TBC1D2: variants seen among roughly 807,000 people sequenced by gnomAD.
TBC1D2 encodes TBC1 domain family member 2, also known as TBC1 domain family member 2A.
TBC1D2 carries 58 observed loss-of-function variants against 91.1 expected under a neutral mutation model. The ratio of observed to expected loss-of-function variants is 0.64; its 90% confidence interval spans 0.52 to 0.79. The LOEUF (loss-of-function observed/expected upper bound fraction) is 0.79, where lower values mean the gene tolerates loss of function less well. TBC1D2 is among the 30% of genes least tolerant of loss of function. The pLI, the probability that TBC1D2 is intolerant of heterozygous loss-of-function variation, is 0.00. For synonymous variants in TBC1D2, 482 were observed against 511.5 expected, an observed-to-expected ratio of 0.94 and a Z score of 0.78; for missense variants, 1,080 against 1,208.3, an observed-to-expected ratio of 0.89 and a Z score of 1.57.
intron 4 of TBC1D2, among the ~76,000 whole-genome samples, chr9:98,230,604 G>A (rs1564250498): frequency 6.6e-6 from 1 of 152,180 alleles, no homozygotes; most frequent in Non-Finnish European, 1.5e-5. Flanking sequence ...AGTTACTCCA[G>A]TAGGTGACAG....
chr9:98,232,671 A>C (rs1829400541), intron 4 of TBC1D2, among the ~76,000 whole-genome samples: 1 of 151,914 alleles, frequency 6.6e-6, no homozygotes, highest in African/African-American at 2.4e-5. Context: ...AGTTGCAAAG[A>C]TAGTGCAGAC....
At chr9:98,232,930 G>A (rs557315286) in intron 4 of TBC1D2, among the ~76,000 whole-genome samples, 1 of 152,278 alleles carries the variant, frequency 6.6e-6, no homozygotes, top group South Asian at 2.1e-4. Context: ...TGGTTCTCCT[G>A]CCTCAGCCTC....
intron 3 of TBC1D2, chr9:98,235,539 T>G (rs1284988314): frequency 2.2e-6 from 1 of 453,344 alleles, no homozygotes; most frequent in Non-Finnish European, 4.3e-6. Context: ...CTTCAATGAT[T>G]TATTCGACAT....
chr9:98,201,835 T>C (rs919091356), intron 10 of TBC1D2, among the ~76,000 whole-genome samples, 171 bp from the exon 11 acceptor site: 1 of 151,886 alleles, frequency 6.6e-6, no homozygotes, highest in Non-Finnish European at 1.5e-5. Context: ...TAGCTGGGAG[T>C]CAGGTACAGC....
chr9:98,237,511 T>C (rs929451454), intron 3 of TBC1D2, among the ~76,000 whole-genome samples: 8 of 151,862 alleles, frequency 5.3e-5, no homozygotes, highest in African/African-American at 1.9e-4. Context: ...AACTTTTTTT[T>C]TCTTTTTTTT....
rs1564227123 is a variant in TBC1D2, at chr9:98,199,369, G to A, written c.*12C>T. 3.7e-6 allele frequency: 6 copies of A among 1,612,328 alleles called. No homozygotes were observed. The highest frequency in any genetic ancestry group is 5.1e-6 in the Non-Finnish European group (6 of 1,179,834). ...AGGGTGAGGAAGGCTGTGGGGAGGGGAGGTGGCCAAGTCAGGCTTCCCCCT... is the reference window on the plus strand; with the variant it reads ...AGGGTGAGGAAGGCTGTGGGGAGGGAAGGTGGCCAAGTCAGGCTTCCCCCT... On this transcript the variant is annotated 3_prime_UTR_variant, in exon 13 of 13. Transcript: ENST00000465784.
At position 98,218,258 on chromosome 9, in the gene TBC1D2, C is replaced by T. The variant is rs112673852; in HGVS notation, c.1374+2575G>A. 2.6e-5 allele frequency among the ~76,000 whole-genome samples: 4 copies of T among 152,172 alleles called. 1 individual carries two copies. Among genetic ancestry groups the T allele is most frequent in the African/African-American group, 9.6e-5 (4 of 41,528 alleles). On this transcript the variant is annotated intron_variant, in intron 6 of 12. Coordinates refer to ENST00000465784, the MANE Select transcript of TBC1D2 (RefSeq NM_001267571.2). ...TCACATACCCAGAGTCTCCATGTAG[C>T]TGAGCTCACTGATAAAGAAAATTCA...
At chr9:98,251,239 C>T (rs529642214) in intron 2 of TBC1D2, among the ~76,000 whole-genome samples, 1 of 151,806 alleles carries the variant, frequency 6.6e-6, no homozygotes, top group African/African-American at 2.4e-5. Context: ...TGCAGTGAGC[C>T]GAGATTGCAC....
At chr9:98,247,135 C>G (rs1401125663) in intron 2 of TBC1D2, among the ~76,000 whole-genome samples, 1 of 151,542 alleles carries the variant, frequency 6.6e-6, no homozygotes, top group Non-Finnish European at 1.5e-5. Context: ...CAAGATCAGC[C>G]TGGCCAACGT....
chr9:98,214,259 C>T (rs926017262), intron 6 of TBC1D2, among the ~76,000 whole-genome samples: 1 of 125,734 alleles, frequency 8.0e-6, no homozygotes, highest in South Asian at 2.9e-4. Flanking sequence ...ATGACTCCGA[C>T]GTGGCCAGAT....
rs1453356533 is a variant in TBC1D2 at position 98,210,640 on chromosome 9, G to A, written c.1673+16C>T. 23 of 1,564,482 alleles carry A rather than the reference G, an allele frequency of 1.5e-5. No individual in the cohort carries two copies. The highest frequency in any genetic ancestry group is 2.0e-5 in the Non-Finnish European group (23 of 1,152,620). On this transcript the variant is annotated intron_variant, in intron 8 of 12. Coordinates refer to ENST00000465784, the MANE Select transcript of TBC1D2 (RefSeq NM_001267571.2). ...CAGCTCACATAGACCAGCCCTTCCT[G>A]GGCCGCCAGGCTCACCTGATGGGGC... is the stretch of plus-strand genomic sequence containing the variant.
At chr9:98,237,358 GA>G (rs993366209) in intron 3 of TBC1D2, among the ~76,000 whole-genome samples, 14 of 147,250 alleles carry the variant, frequency 9.5e-5, no homozygotes, top group African/African-American at 3.5e-4. Flanking sequence ...AAAAAAAAAA[GA>G]AAAAAAAGAA....
intron 2 of TBC1D2, among the ~76,000 whole-genome samples, chr9:98,248,471 G>T (rs947481907): frequency 6.6e-6 from 1 of 152,296 alleles, no homozygotes; most frequent in African/African-American, 2.4e-5. Flanking sequence ...GCGCTGCCTA[G>T]ACAAAAAAAG....
chr9:98,199,505 C>T lies in TBC1D2; in HGVS notation c.2663G>A (p.Arg888Gln), dbSNP rs145458773. The change falls in exon 13 of 13, where the codon CGG (arginine) becomes CAG (glutamine). Residue 888 changes from arginine (R) to glutamine (Q), a missense_variant. Arg to Gln is a conservative substitution (Grantham distance 43). Coordinates refer to ENST00000465784, the MANE Select transcript of TBC1D2 (RefSeq NM_001267571.2). ...CAGCTCCCGCAGCTCAGCCTCCAGCCGCTCCCGGTGGACCATGCGCAGCTG... is the reference window on the plus strand; with the variant it reads ...CAGCTCCCGCAGCTCAGCCTCCAGCTGCTCCCGGTGGACCATGCGCAGCTG... ...LRQLRMVHRE[R>Q]LEAELRELEQ... 57 of 1,614,056 alleles carry T rather than the reference C, an allele frequency of 3.5e-5. No individual in the cohort carries two copies. The highest frequency in any genetic ancestry group is 1.6e-4 in the Middle Eastern group (1 of 6,084).
At chr9:98,239,174 T>C (rs1462696891) in intron 3 of TBC1D2, among the ~76,000 whole-genome samples, 1 of 151,804 alleles carries the variant, frequency 6.6e-6, no homozygotes, top group Non-Finnish European at 1.5e-5. Context: ...TCCTTCCACC[T>C]CAGCCTACAC....
chr9:98,202,491 T>C (rs780096534), intron 10 of TBC1D2, among the ~76,000 whole-genome samples: 1 of 152,198 alleles, frequency 6.6e-6, no homozygotes, highest in Non-Finnish European at 1.5e-5. Flanking sequence ...CCCAGAACCT[T>C]GGGTCATCTA....
intron 3 of TBC1D2, among the ~76,000 whole-genome samples, chr9:98,240,923 G>T (rs757041180): frequency 2.0e-5 from 3 of 152,096 alleles, no homozygotes; most frequent in Non-Finnish European, 4.4e-5. Context: ...TTAATTCCAG[G>T]TCTGCAAGGC....
intron 10 of TBC1D2, among the ~76,000 whole-genome samples, chr9:98,202,226 G>A (rs759339882): frequency 6.6e-6 from 1 of 152,210 alleles, no homozygotes. Context: ...GGGTGCTCCT[G>A]GCGACACTGG....
intron 4 of TBC1D2, among the ~76,000 whole-genome samples, chr9:98,232,558 T>A (rs1829398531): frequency 6.6e-6 from 1 of 152,022 alleles, no homozygotes; most frequent in African/African-American, 2.4e-5. Context: ...GCTCAAGCAA[T>A]CCTCCAGCCT....
Sources: gnomAD v4.1 joint callset for allele counts (sites outside exome capture counted in the v4.1 genomes callset) on GRCh38, gnomAD v4.1.1 for gene constraint, MANE v1.5 for transcripts, NCBI Gene and HGNC (gene_info 2026-07-23, HGNC 2026-07-21) for gene names.